The following KLF7 variants were observed in gnomAD, a reference collection of about 807,000 sequenced individuals.
The protein encoded by KLF7 is Krueppel-like factor 7.
Under a neutral mutation model 27.3 loss-of-function variants are expected in KLF7, and 2 were observed. The ratio of observed to expected loss-of-function variants is 0.07; its 90% CI spans 0.03 to 0.23. The LOEUF is 0.23. Ranked by LOEUF, KLF7 falls within the 10% of genes least tolerant of loss-of-function variation. The pLI is 1.00. For synonymous variants in KLF7, 165 were observed against 162.4 expected, an observed-to-expected ratio of 1.02 and a Z score of -0.12; for missense variants, 221 against 394.1, an observed-to-expected ratio of 0.56 and a Z score of 3.72.
chr2:207,082,444 G>A (rs1245195332), intron 3 of KLF7, among the ~76,000 whole-genome samples: 1 of 152,170 alleles, frequency 6.6e-6, no homozygotes, highest in Admixed American at 6.5e-5. Context: ...TGGATCCAAC[G>A]AAGCCTAAAG....
At chr2:207,084,783 A>G (rs1227199440) in intron 3 of KLF7, among the ~76,000 whole-genome samples, 11 of 152,166 alleles carry the variant, frequency 7.2e-5, no homozygotes, top group Non-Finnish European at 2.9e-5. Flanking sequence ...CAGCCAGGTG[A>G]CCTTAAATAA....
rs111767475 is a variant in KLF7, at chr2:207,162,170, TA to T, written c.102+3296del. Among the ~76,000 whole-genome samples the T allele has an allele frequency of 9.4e-3, 1,427 of 151,386 alleles. 25 individuals carry two copies. The highest frequency in any genetic ancestry group is 0.033 in the African/African-American group (1,355 of 41,250). ...TTATTTTCCAAGTCAGCAGTGTGTC[TA>T]AAAAAAAAGATTATGATTTCTATTG... On this transcript the variant is annotated intron_variant, in intron 1 of 3. Transcript: ENST00000309446.
intron 1 of KLF7, among the ~76,000 whole-genome samples, chr2:207,163,602 T>C (rs2078612107): frequency 6.6e-6 from 1 of 152,244 alleles, no homozygotes; most frequent in Non-Finnish European, 1.5e-5. Flanking sequence ...TTTACTACTC[T>C]GAAAACTTGA....
intron 2 of KLF7, among the ~76,000 whole-genome samples, chr2:207,119,398 CTTT>C (rs1227633003): frequency 7.0e-6 from 1 of 141,852 alleles, no homozygotes; most frequent in Non-Finnish European, 1.5e-5. Context: ...GAAAATCCTT[CTTT>C]TTTTACATAG....
At chr2:207,162,683 A>G (rs1171753097) in intron 1 of KLF7, among the ~76,000 whole-genome samples, 1 of 152,234 alleles carries the variant, frequency 6.6e-6, no homozygotes, top group African/African-American at 2.4e-5. Context: ...TAAGCAGGAC[A>G]ATTATCCCAT....
chr2:207,173,676 A>AG, the KLF7 span: 2 of 152,184 alleles, frequency 1.3e-5, no homozygotes, highest in African/African-American at 4.8e-5. Context: ...TTACATTGCA[A>AG]GGGGTCATAC....
intron 2 of KLF7, among the ~76,000 whole-genome samples, chr2:207,099,551 G>GAGATATATATATATATAT (rs150515096): frequency 5.2e-5 from 3 of 57,568 alleles, no homozygotes; most frequent in Non-Finnish European, 1.0e-4. Flanking sequence ...CTACATATGC[G>GAGATATATATATATATAT]ATATATATAT....
rs2076239812 is a variant in KLF7, at chr2:207,079,904, A to G, written c.*1309T>C. ...GTAGGGGAATAGGAGCTCAGTGGGCATGACAGAGAAGACAGGATGATCTTT... is the reference window on the plus strand; with the variant it reads ...GTAGGGGAATAGGAGCTCAGTGGGCGTGACAGAGAAGACAGGATGATCTTT... On this transcript the variant is annotated 3_prime_UTR_variant, in exon 4 of 4. Transcript: ENST00000309446. The G allele has an allele frequency of 6.6e-6, 1 of 152,254 alleles. No homozygotes were observed. Among genetic ancestry groups the G allele is most frequent in the Non-Finnish European group, 1.5e-5 (1 of 68,048 alleles). The allele number at this position is 152,254 out of a possible 1,614,324, so 9.4% of individuals were successfully genotyped here.
At chr2:207,099,263 G>T (rs1472230491) in intron 2 of KLF7, among the ~76,000 whole-genome samples, 1 of 151,950 alleles carries the variant, frequency 6.6e-6, no homozygotes, top group Admixed American at 6.5e-5. Context: ...CCCTACTGGG[G>T]AGGCTTTTGG....
upstream of KLF7, chr2:207,167,266 A>C: frequency 2.3e-6 from 2 of 881,804 alleles, no homozygotes; most frequent in Non-Finnish European, 3.1e-6. Context: ...ACCCTGCACA[A>C]TTCACGTTAG....
chr2:207,086,982 A>C (rs943171201), intron 3 of KLF7, among the ~76,000 whole-genome samples: 1 of 152,246 alleles, frequency 6.6e-6, no homozygotes, highest in Non-Finnish European at 1.5e-5. Flanking sequence ...TTTATTAGCC[A>C]GAGTGAGAGA....
chr2:207,125,790 C>T (rs2077460822), intron 1 of KLF7, among the ~76,000 whole-genome samples: 1 of 152,198 alleles, frequency 6.6e-6, no homozygotes, highest in South Asian at 2.1e-4. Context: ...CATGCAACTA[C>T]TGTGCTCACA....
At chr2:207,083,687 G>C (rs565184006) in intron 3 of KLF7, among the ~76,000 whole-genome samples, 1 of 152,182 alleles carries the variant, frequency 6.6e-6, no homozygotes, top group Non-Finnish European at 1.5e-5. Context: ...ACATGATAAA[G>C]AATTAAAGTT....
chr2:207,167,112 G>C, upstream of KLF7: 5 of 1,418,156 alleles, frequency 3.5e-6, no homozygotes, highest in Non-Finnish European at 3.7e-6. Context: ...GGCAGCTTGC[G>C]AGGGGGCCTT....
In KLF7 at chr2:207,077,133, A is replaced by T. The variant is rs1185549916; in HGVS notation, c.*4080T>A. ...TAACATTTTATGAAGTGACTTCCAT[A>T]AAGGAAACCATTTTGAACCATCAAA... On this transcript the variant is annotated 3_prime_UTR_variant, in exon 4 of 4. Coordinates refer to ENST00000309446, the MANE Select transcript of KLF7 (RefSeq NM_003709.4). The T allele has an allele frequency of 6.6e-6, 1 of 152,194 alleles. No individual in the cohort carries two copies. Among genetic ancestry groups the T allele is most frequent in the African/African-American group, 2.4e-5 (1 of 41,448 alleles). The allele number at this position is 152,194 out of a possible 1,614,324, so 9.4% of individuals were successfully genotyped here.
intron 2 of KLF7, among the ~76,000 whole-genome samples, chr2:207,115,210 T>G (rs548759553): frequency 6.7e-6 from 1 of 148,318 alleles, no homozygotes; most frequent in African/African-American, 2.5e-5. Flanking sequence ...GCCAAGGAAG[T>G]TTGGTTTAGG....
chr2:207,133,191 A>G (rs527963426), intron 1 of KLF7, among the ~76,000 whole-genome samples: 1 of 152,244 alleles, frequency 6.6e-6, no homozygotes, highest in South Asian at 2.1e-4. Context: ...GTTGGCACTC[A>G]CTGGTGGAAA....
At chr2:207,130,739 G>A (rs1001454294) in intron 1 of KLF7, among the ~76,000 whole-genome samples, 1 of 152,108 alleles carries the variant, frequency 6.6e-6, no homozygotes, top group Non-Finnish European at 1.5e-5. Flanking sequence ...CTTTTAATTT[G>A]AACATAAGAC....
the KLF7 span, among the ~76,000 whole-genome samples, chr2:207,172,461 T>C: frequency 6.6e-6 from 1 of 152,196 alleles, no homozygotes; most frequent in East Asian, 1.9e-4. Flanking sequence ...TTTGATTAAA[T>C]AGATTTGTGA....
Sources: allele counts gnomAD v4.1 joint callset (sites outside exome capture counted in the v4.1 genomes callset), GRCh38; gene constraint gnomAD v4.1.1; transcripts MANE v1.5; gene names NCBI Gene and HGNC (gene_info 2026-07-23, HGNC 2026-07-21).